RAP1GAP2: variants seen among roughly 807,000 people sequenced by gnomAD.
The protein encoded by RAP1GAP2 is rap1 GTPase-activating protein 2.
In RAP1GAP2, 27 loss-of-function variants were observed where a neutral mutation model predicts 95.0. The observed-to-expected ratio is 0.28, with a 90% CI of 0.21 to 0.39. The LOEUF is 0.39. Ranked by LOEUF, RAP1GAP2 falls within the 10% of genes least tolerant of loss-of-function variation. The pLI is 1.00. For missense variants in RAP1GAP2, 771 were observed against 970.0 expected, an observed-to-expected ratio of 0.79 and a Z score of 2.72; for synonymous variants, 373 against 380.9, an observed-to-expected ratio of 0.98 and a Z score of 0.24.
intron 16 of RAP1GAP2, 36 bp from the exon 17 acceptor site, chr17:3,007,975 A>T: frequency 1.9e-6 from 3 of 1,607,942 alleles, no homozygotes; most frequent in Non-Finnish European, 2.6e-6. Flanking sequence ...CTGCTCTCAG[A>T]GCCAGCTTCT....
chr17:2,960,539 G>C (rs543477088), intron 4 of RAP1GAP2, among the ~76,000 whole-genome samples: 1 of 152,366 alleles, frequency 6.6e-6, no homozygotes, highest in South Asian at 2.1e-4. Flanking sequence ...GTTAACAGGA[G>C]CCCTGCTGTC....
At position 2,926,245 on chromosome 17, in the gene RAP1GAP2, C is replaced by T. The variant is rs78457922; in HGVS notation, c.165+20877C>T. ...AGGAAGCGCAGGCCTCCCGGCCCAT[C>T]GGTGCAGCCTGACTTGGCGTGGACA... On this transcript the variant is annotated intron_variant, in intron 3 of 24. Coordinates refer to ENST00000254695, the MANE Select transcript of RAP1GAP2 (RefSeq NM_015085.5). Among the ~76,000 whole-genome samples, 835 of 152,270 alleles carry T rather than the reference C, an allele frequency of 5.5e-3. 9 individuals are homozygous for T. The highest frequency in any genetic ancestry group is 0.019 in the African/African-American group (786 of 41,554).
At chr17:2,893,141 C>T (rs566626003) in intron 2 of RAP1GAP2, among the ~76,000 whole-genome samples, 7 of 152,026 alleles carry the variant, frequency 4.6e-5, no homozygotes, top group African/African-American at 1.4e-4. Context: ...GATTCTCCTG[C>T]CTCAGCCTCC....
rs913520529 is a variant in RAP1GAP2, at chr17:2,965,256, C to T, written c.493-284C>T. 18 of 449,840 alleles carry T rather than the reference C, an allele frequency of 4.0e-5. No individual in the cohort carries two copies. The highest frequency in any genetic ancestry group is 2.0e-4 in the South Asian group (8 of 40,242). The allele number at this position is 449,840 out of a possible 1,614,324, so 27.9% of individuals were successfully genotyped here. A position where few individuals can be genotyped will look rare whatever the true frequency, so the allele number is the denominator to read the frequency against. On this transcript the variant is annotated intron_variant, in intron 7 of 24. Coordinates refer to ENST00000254695, the MANE Select transcript of RAP1GAP2 (RefSeq NM_015085.5). The surrounding 1 kb of genome is among the most constrained non-coding windows in gnomAD (Gnocchi z 4.7). ...CATCCTGGGCAGTGACTTAACCCCC[C>T]GACCATTGGTTTTCCCATCTGTGAA... is the stretch of plus-strand genomic sequence containing the variant.
chr17:2,796,992 G>A lies in RAP1GAP2; in HGVS notation c.44+421G>A, dbSNP rs145122879. Among the ~76,000 whole-genome samples the A allele has an allele frequency of 3.7e-4, 57 of 152,244 alleles. No individual in the cohort carries two copies. The highest frequency in any genetic ancestry group is 1.3e-3 in the African/African-American group (54 of 41,548). On this transcript the variant is annotated intron_variant, in intron 1 of 24. Transcript: ENST00000254695. This position sits in a 1 kb window ranked among gnomAD's most constrained non-coding sequence, Gnocchi z 4.7. ...TGCCAGTCCGTGTGACCGTGTGTGA[G>A]GTGTGTGCCTGTGCATGTGGGCAGC...
In RAP1GAP2 at chr17:2,796,457, G is replaced by T; in HGVS notation, c.-71G>T. 4 of 1,518,624 alleles carry T rather than the reference G, an allele frequency of 2.6e-6. No individual in the cohort carries two copies. Among genetic ancestry groups the T allele is most frequent in the Non-Finnish European group, 3.6e-6 (4 of 1,118,486 alleles). 94.1% of individuals were successfully genotyped at this position (1,518,624 alleles called of 1,614,324 possible). A position where few individuals can be genotyped will look rare whatever the true frequency, so the allele number is the denominator to read the frequency against. On this transcript the variant is annotated 5_prime_UTR_variant, in exon 1 of 25. Coordinates refer to ENST00000254695, the MANE Select transcript of RAP1GAP2 (RefSeq NM_015085.5). The surrounding 1 kb of genome is among the most constrained non-coding windows in gnomAD (Gnocchi z 4.7). ...ACCGGCACTGACCCCGCTGTACCACGGCCCTCTTGCGGACAGCCCCGGGGA... is the reference window on the plus strand; with the variant it reads ...ACCGGCACTGACCCCGCTGTACCACTGCCCTCTTGCGGACAGCCCCGGGGA...
At chr17:2,800,110 T>C (rs889106732) in intron 1 of RAP1GAP2, 1 of 822,218 alleles carries the variant, frequency 1.2e-6, no homozygotes, top group Non-Finnish European at 1.5e-6. Flanking sequence ...GGCATTCAGA[T>C]TGACATCCGT....
intron 1 of RAP1GAP2, among the ~76,000 whole-genome samples, chr17:2,783,034 C>G (rs1346845695): frequency 6.6e-6 from 1 of 152,036 alleles, no homozygotes; most frequent in Non-Finnish European, 1.5e-5. Flanking sequence ...ACAAACCATC[C>G]CCATTTTATG....
intron 1 of RAP1GAP2, among the ~76,000 whole-genome samples, chr17:2,784,033 C>T (rs548783190): frequency 2.0e-5 from 3 of 152,266 alleles, no homozygotes; most frequent in East Asian, 1.9e-4. Flanking sequence ...AATGCAGTGG[C>T]GCAATCTCGG....
Position 2,891,946 on chromosome 17 carries a change from C to T in RAP1GAP2, c.81-13338C>T, listed in dbSNP as rs548411012. 5.4e-5 allele frequency among the ~76,000 whole-genome samples: 8 copies of T among 149,430 alleles called. No homozygotes were observed. In the South Asian group the frequency reaches 1.7e-3, roughly 32 times the overall value. On this transcript the variant is annotated intron_variant, in intron 2 of 24. Coordinates refer to ENST00000254695, the MANE Select transcript of RAP1GAP2 (RefSeq NM_015085.5). ...TCAAGCGATTCTCCTGCTTCAGCCTCCCAAGTAGCTGGGACTACAGTCATG... is the reference window on the plus strand; with the variant it reads ...TCAAGCGATTCTCCTGCTTCAGCCTTCCAAGTAGCTGGGACTACAGTCATG...
At chr17:2,801,424 G>A (rs1398654827) in intron 2 of RAP1GAP2, among the ~76,000 whole-genome samples, 4 of 149,604 alleles carry the variant, frequency 2.7e-5, no homozygotes, top group South Asian at 2.1e-4. Flanking sequence ...GCATTGAGCC[G>A]AGATCACACC....
At position 2,953,520 on chromosome 17, in the gene RAP1GAP2, T is replaced by G. The variant is rs558749092; in HGVS notation, c.166-4239T>G. On this transcript the variant is annotated intron_variant, in intron 3 of 24. Transcript: ENST00000254695. The stretch of plus-strand genomic sequence containing the variant: ...GTTTTTTTGAACAGCTTTATTGAGA[T>G]ATAATTTACGTATCATAAAGTCACC... Among the ~76,000 whole-genome samples, 72 of 152,302 alleles carry G rather than the reference T, an allele frequency of 4.7e-4. 1 individual carries two copies. Among genetic ancestry groups the G allele is most frequent in the Non-Finnish European group, 2.9e-5 (2 of 68,020 alleles).
chr17:2,762,235 C>T (rs2071267899), intron 1 of RAP1GAP2, among the ~76,000 whole-genome samples: 1 of 151,328 alleles, frequency 6.6e-6, no homozygotes, highest in Non-Finnish European at 1.5e-5. Flanking sequence ...GATCCACCTG[C>T]CTCGGCCTCC....
At chr17:2,993,440 GCA>G (rs1297516524) in intron 12 of RAP1GAP2, among the ~76,000 whole-genome samples, 1 of 151,972 alleles carries the variant, frequency 6.6e-6, no homozygotes, top group East Asian at 1.9e-4. Context: ...GGGCGTGGTG[GCA>G]CGTGCCTGTA....
intron 8 of RAP1GAP2, among the ~76,000 whole-genome samples, chr17:2,976,887 CACTTTGGGA>C (rs2045142523): frequency 6.6e-6 from 1 of 152,038 alleles, no homozygotes; most frequent in South Asian, 2.1e-4. Context: ...GTAATCCCAG[CACTTTGGGA>C]GGCTGAGGCG....
chr17:3,017,747 GTAAGATGAAGATAA>G (rs2046817804), intron 17 of RAP1GAP2, among the ~76,000 whole-genome samples: 1 of 152,126 alleles, frequency 6.6e-6, no homozygotes, highest in Non-Finnish European at 1.5e-5. Context: ...TTCCTTACCT[GTAAGATGAAGATAA>G]TAACCTTTGT....
chr17:2,977,099 G>A (rs1390084889), intron 8 of RAP1GAP2, among the ~76,000 whole-genome samples: 1 of 149,190 alleles, frequency 6.7e-6, no homozygotes, highest in African/African-American at 2.5e-5. Flanking sequence ...ATCCAGCCTG[G>A]GCAACAAGAA....
At chr17:3,018,921 G>C (rs2046865677) in intron 18 of RAP1GAP2, among the ~76,000 whole-genome samples, 1 of 152,104 alleles carries the variant, frequency 6.6e-6, no homozygotes, top group South Asian at 2.1e-4. Flanking sequence ...AAATTAACTG[G>C]GCGTGGTGGC....
intron 3 of RAP1GAP2, among the ~76,000 whole-genome samples, chr17:2,949,205 G>A (rs370331862): frequency 6.6e-6 from 1 of 152,280 alleles, no homozygotes; most frequent in African/African-American, 2.4e-5. Flanking sequence ...AATGCTGGCC[G>A]CCCCTCTGAT....
Sources: allele counts gnomAD v4.1 joint callset (sites outside exome capture counted in the v4.1 genomes callset), GRCh38; gene constraint gnomAD v4.1.1; non-coding constraint Gnocchi (gnomAD v3.1); transcripts MANE v1.5; gene names NCBI Gene and HGNC (gene_info 2026-07-23, HGNC 2026-07-21).